Variants in RGS6 observed in about 807,000 individuals in gnomAD.
The protein encoded by RGS6 is regulator of G protein signaling 6.
A neutral mutation model predicts 78.5 loss-of-function variants in RGS6; 30 were observed. The ratio of observed to expected loss-of-function variants is 0.38; its 90% CI spans 0.29 to 0.52. RGS6 has a LOEUF of 0.52. RGS6 is among the 20% of genes least tolerant of loss of function. RGS6 has a pLI of 0.85. For missense variants in RGS6, 495 were observed against 609.7 expected (o/e 0.81, Z 1.98); for synonymous variants, 206 against 206.0 (o/e 1.00, Z 0.00).
intron 1 of RGS6, among the ~76,000 whole-genome samples, chr14:71,938,781 G>A (rs1030506718): frequency 6.6e-6 from 1 of 152,198 alleles, no homozygotes. Context: ...AGTTCAGGTT[G>A]CATGGTGACT....
At chr14:71,929,002 GTTATAATAAA>G (rs2087761629), upstream of RGS6, among the ~76,000 whole-genome samples, 2 of 152,134 alleles carry the variant, frequency 1.3e-5, no homozygotes, top group Non-Finnish European at 2.9e-5. Flanking sequence ...TTGAAATAAT[GTTATAATAAA>G]TTACAAAAGC....
chr14:72,385,067 C>T (rs972855178), intron 3 of RGS6, among the ~76,000 whole-genome samples: 5 of 152,056 alleles, frequency 3.3e-5, no homozygotes, highest in Non-Finnish European at 4.4e-5. Flanking sequence ...ATATTTGTAA[C>T]GGTGTCTTTA....
At chr14:72,046,653 C>T (rs994325137) in intron 2 of RGS6, among the ~76,000 whole-genome samples, 3 of 151,602 alleles carry the variant, frequency 2.0e-5, no homozygotes, top group African/African-American at 7.3e-5. Flanking sequence ...TCCTTCTACT[C>T]TTCCTCCTCC....
chr14:72,436,387 T>C (rs3825714), intron 3 of RGS6, among the ~76,000 whole-genome samples: 49,830 of 152,072 alleles, frequency 0.33, 8,877 homozygotes, highest in East Asian at 0.64. Context: ...AAGGAACAGA[T>C]AGGTAGTAAG....
intron 17 of RGS6, among the ~76,000 whole-genome samples, chr14:72,557,921 A>G (rs998581610): frequency 5.9e-5 from 9 of 152,326 alleles, no homozygotes; most frequent in African/African-American, 2.2e-4. Flanking sequence ...GGGCCCAGCA[A>G]CTGAAGAAGG....
chr14:72,579,581 C>A, the RGS6 span, among the ~76,000 whole-genome samples: 1 of 152,120 alleles, frequency 6.6e-6, no homozygotes, highest in Non-Finnish European at 1.5e-5. Context: ...ATTCCACAGC[C>A]CAGGGATAAT....
At chr14:72,153,269 G>A (rs101655) in intron 2 of RGS6, among the ~76,000 whole-genome samples, 73,887 of 151,972 alleles carry the variant, frequency 0.49, 18,062 homozygotes, top group South Asian at 0.54. Flanking sequence ...GTTGGGTTAC[G>A]GGGCTGCTCA....
At chr14:72,179,005 G>A (rs970114581) in intron 2 of RGS6, among the ~76,000 whole-genome samples, 3 of 152,172 alleles carry the variant, frequency 2.0e-5, no homozygotes, top group African/African-American at 7.2e-5. Context: ...GTGGGATCCA[G>A]CACATATTTC....
At chr14:71,873,387 G>A in the RGS6 span, among the ~76,000 whole-genome samples, 1 of 152,188 alleles carries the variant, frequency 6.6e-6, no homozygotes, top group African/African-American at 2.4e-5. Context: ...TTTCTCTGAT[G>A]ACCAGTGATG....
intron 15 of RGS6, among the ~76,000 whole-genome samples, chr14:72,533,017 G>C (rs1172748098): frequency 2.0e-5 from 3 of 152,244 alleles, no homozygotes; most frequent in South Asian, 4.1e-4. Flanking sequence ...AGATTAAGCA[G>C]CCTTATATTG....
intron 2 of RGS6, among the ~76,000 whole-genome samples, chr14:72,013,151 A>G (rs1051099966): frequency 6.6e-6 from 1 of 151,612 alleles, no homozygotes; most frequent in Admixed American, 6.6e-5. Context: ...CGTGCCTGTA[A>G]TGCCAACTAC....
At chr14:72,043,305 C>A (rs2092577842) in intron 2 of RGS6, among the ~76,000 whole-genome samples, 2 of 152,202 alleles carry the variant, frequency 1.3e-5, no homozygotes, top group African/African-American at 4.8e-5. Context: ...CCTGCAGTCA[C>A]ACACCATCCA....
chr14:72,061,413 A>G (rs1454770709), intron 2 of RGS6, among the ~76,000 whole-genome samples: 3 of 152,194 alleles, frequency 2.0e-5, no homozygotes, highest in African/African-American at 7.2e-5. Flanking sequence ...TTGTGATTTA[A>G]TATAGTTGAG....
At chr14:71,981,673 C>G (rs368121667) in intron 2 of RGS6, among the ~76,000 whole-genome samples, 1 of 151,742 alleles carries the variant, frequency 6.6e-6, no homozygotes. Context: ...GCTGGGAGAA[C>G]CACTGCTCTC....
intron 2 of RGS6, among the ~76,000 whole-genome samples, chr14:72,263,440 G>A (rs1325243367): frequency 6.6e-6 from 1 of 152,088 alleles, no homozygotes; most frequent in African/African-American, 2.4e-5. Flanking sequence ...GATGGCTGTG[G>A]TCTCTCTGCA....
At chr14:72,371,892 G>GTGGATT (rs144477483) in intron 3 of RGS6, among the ~76,000 whole-genome samples, 98 of 152,368 alleles carry the variant, frequency 6.4e-4, no homozygotes, top group Middle Eastern at 3.4e-3. Flanking sequence ...GGAAACTGCA[G>GTGGATT]TGGACATCAT....
chr14:71,977,836 C>G (rs1201770949), intron 2 of RGS6, among the ~76,000 whole-genome samples: 1 of 152,078 alleles, frequency 6.6e-6, no homozygotes, highest in Admixed American at 6.6e-5. Flanking sequence ...GGCATTGAAT[C>G]TATAAATTAC....
At position 72,126,307 on chromosome 14, in the gene RGS6, A is replaced by AGT. The variant is rs2096190970; in HGVS notation, c.84+161434_84+161435dup. Among the ~76,000 whole-genome samples, 3 of 152,334 alleles carry AGT rather than the reference A, an allele frequency of 2.0e-5. No homozygotes were observed. In the South Asian group the frequency reaches 6.2e-4, roughly 32 times the overall value. On this transcript the variant is annotated intron_variant, in intron 2 of 17. Transcript: ENST00000553525. The stretch of plus-strand genomic sequence containing the variant: ...CCAGCTAGCAGGGACCTCTGCTGTG[A>AGT]GTGGCCCATGCTGTCTGGGCAGCTC...
chr14:72,592,457 G>A, the RGS6 span, among the ~76,000 whole-genome samples: 1 of 152,234 alleles, frequency 6.6e-6, no homozygotes, highest in South Asian at 2.1e-4. Context: ...TAAGCTGAAG[G>A]TTTGCCTGAG....
Sources: allele counts gnomAD v4.1 joint callset (sites outside exome capture counted in the v4.1 genomes callset), GRCh38; gene constraint gnomAD v4.1.1; transcripts MANE v1.5; gene names NCBI Gene and HGNC (gene_info 2026-07-23, HGNC 2026-07-21).